The following SIDT2 variants were observed in gnomAD, a reference collection of about 807,000 sequenced individuals.
SIDT2 encodes the protein SID1 transmembrane family, member 2.
SIDT2 carries 68 observed loss-of-function variants against 114.4 expected under a neutral mutation model. The ratio of observed to expected loss-of-function variants is 0.59; its 90% CI spans 0.49 to 0.73. The LOEUF (loss-of-function observed/expected upper bound fraction) is 0.73, where lower values mean the gene tolerates loss of function less well. Among genes scored for constraint, SIDT2 ranks in the 30% least tolerant of loss-of-function variants. SIDT2 has a pLI of 0.00. For missense variants in SIDT2, 918 were observed against 1,097.1 expected (o/e 0.84, Z 2.31); for synonymous variants, 470 against 438.4 (o/e 1.07, Z -0.90).
chr11:117,193,787 G>C, intron 23 of SIDT2, 66 bp from the exon 24 acceptor site: 2 of 1,184,182 alleles, frequency 1.7e-6, no homozygotes, highest in South Asian at 2.5e-5. Context: ...GGGAAAGGCT[G>C]GGTGGGACAG....
chr11:117,195,728 A>G, intron 24 of SIDT2, 74 bp from the exon 25 acceptor site: 1 of 1,513,668 alleles, frequency 6.6e-7, no homozygotes, highest in Non-Finnish European at 9.1e-7. Flanking sequence ...GCCCAGGAGC[A>G]AGATGGCAGA....
rs199938738 is a variant in SIDT2 at position 117,189,447 on chromosome 11, G to A, written c.1419+46G>A. 142 of 1,589,614 alleles carry A rather than the reference G, an allele frequency of 8.9e-5. No individual in the cohort carries two copies. In the East Asian group the frequency reaches 2.3e-3, roughly 25 times the overall value. On this transcript the variant is annotated intron_variant, in intron 15 of 25. Coordinates refer to ENST00000324225, the MANE Select transcript of SIDT2 (RefSeq NM_001040455.2). ...CACCTTTCCGACAGCCTAGGACACC[G>A]CCCCAAAGTGCAGAGCCTCCCAGCC...
chr11:117,190,002 C>A lies in SIDT2; in HGVS notation c.1470C>A (p.Cys490Ter), dbSNP rs767345621. ...ACATCTGCTACTACAACTTCCTCTG[C>A]GCCCACCCACTGGGCAATCTCAGGT... is the stretch of plus-strand genomic sequence containing the variant. ...NQDICYYNFL[C>*]AHPLGNLSAF... The change falls in exon 16 of 26, where the codon TGC becomes TGA. Residue 490 changes from cysteine (C) to a stop codon, truncating the protein, a stop_gained. Coordinates refer to ENST00000324225, the MANE Select transcript of SIDT2 (RefSeq NM_001040455.2). LOFTEE classifies it high-confidence loss of function. The surrounding 1 kb of genome is among the most constrained non-coding windows in gnomAD (Gnocchi z 4.1). The A allele has an allele frequency of 6.2e-7, 1 of 1,614,176 alleles. No individual in the cohort carries two copies. The highest frequency in any genetic ancestry group is 8.5e-7 in the Non-Finnish European group (1 of 1,180,018).
In SIDT2 at chr11:117,184,121, G is replaced by A. The variant is rs767955020; in HGVS notation, c.850G>A (p.Val284Met). Reference protein sequence around the residue: ...GHRQKTLSVLVSQAVTSEAYV... With the variant: ...GHRQKTLSVLMSQAVTSEAYV... ...CCGCCAGAAAACCCTGTCAGTGCTG[G>A]TGTCTCAAGCAGTCACGTGTGAGTG... is the stretch of plus-strand genomic sequence containing the variant. Residue 284 changes from valine (V) to methionine (M), a missense_variant, in exon 8 of 26, where the codon GTG (valine) becomes ATG (methionine). Transcript: ENST00000324225. 18 of 1,614,070 alleles carry A rather than the reference G, an allele frequency of 1.1e-5. No homozygotes were observed. In the Admixed American group the frequency reaches 3.0e-4, roughly 27 times the overall value.
intron 24 of SIDT2, 21 bp downstream of exon 24, chr11:117,193,984 T>C: frequency 6.3e-7 from 1 of 1,588,724 alleles, no homozygotes; most frequent in Non-Finnish European, 8.6e-7. Context: ...ACCCTCAGGC[T>C]CCTTGTGAGC....
At chr11:117,182,489 G>A in intron 4 of SIDT2, 30 bp from the exon 5 acceptor site, 1 of 1,586,890 alleles carries the variant, frequency 6.3e-7, no homozygotes, top group Non-Finnish European at 8.7e-7. Context: ...CTCATGAGAT[G>A]GGGCTCTCCC....
rs2030647443 is a variant in SIDT2 at position 117,190,177 on chromosome 11, A to T, written c.1505A>T (p.Asn502Ile). 1 of 1,579,014 alleles carries T rather than the reference A, an allele frequency of 6.3e-7. No individual in the cohort carries two copies. The highest frequency in any genetic ancestry group is 8.6e-7 in the Non-Finnish European group (1 of 1,162,068). Reference protein sequence around the residue: ...HPLGNLSAFNNILSNLGYILL... With the variant: ...HPLGNLSAFNIILSNLGYILL... ...GTTGCCCCTTCTAGCGCCTTCAACA[A>T]CATCCTCAGCAACCTGGGGTACATC... is the stretch of plus-strand genomic sequence containing the variant. The change falls in exon 17 of 26, where the codon AAC becomes ATC. Residue 502 changes from asparagine to isoleucine, a missense_variant. By Grantham distance (149) the Asn-to-Ile change is moderately radical. Coordinates refer to ENST00000324225, the MANE Select transcript of SIDT2 (RefSeq NM_001040455.2). This position sits in a 1 kb window ranked among gnomAD's most constrained non-coding sequence, Gnocchi z 4.1.
Position 117,191,860 on chromosome 11 carries a change from C to T in SIDT2, c.1736-18C>T. 1 of 1,612,474 alleles carries T rather than the reference C, an allele frequency of 6.2e-7. No homozygotes were observed. Among genetic ancestry groups the T allele is most frequent in the Non-Finnish European group, 8.5e-7 (1 of 1,178,834 alleles). On this transcript the variant is annotated intron_variant, in intron 18 of 25. Coordinates refer to ENST00000324225, the MANE Select transcript of SIDT2 (RefSeq NM_001040455.2). ...TGGTGGCCATTTCTGCAGCTCCCTT[C>T]CGTGTCCCTCATCCTAGACACATCG...
At chr11:117,181,705 A>G in intron 2 of SIDT2, 102 bp from the exon 3 acceptor site, 1 of 1,579,868 alleles carries the variant, frequency 6.3e-7, no homozygotes, top group Non-Finnish European at 8.6e-7. Flanking sequence ...CCTCGCAGGG[A>G]GGTGGTGGAG....
chr11:117,188,681 C>A lies in SIDT2; in HGVS notation c.1160-27C>A. 6.3e-7 allele frequency: 1 copy of A among 1,577,178 alleles called. No homozygotes were observed. Among genetic ancestry groups the A allele is most frequent in the Non-Finnish European group, 8.7e-7 (1 of 1,146,436 alleles). Reference sequence around the variant, plus strand: ...ACTGTGGGTTTTGTGTCCACCGGTGCAACCCCTCCCTCCCTGCCCTTTCCA... The same window carrying A: ...ACTGTGGGTTTTGTGTCCACCGGTGAAACCCCTCCCTCCCTGCCCTTTCCA... On this transcript the variant is annotated intron_variant, in intron 12 of 25. Coordinates refer to ENST00000324225, the MANE Select transcript of SIDT2 (RefSeq NM_001040455.2). This position sits in a 1 kb window ranked among gnomAD's most constrained non-coding sequence, Gnocchi z 4.0.
chr11:117,182,217 G>A lies in SIDT2; in HGVS notation c.516+112G>A. 4.8e-6 allele frequency: 6 copies of A among 1,247,850 alleles called. No homozygotes were observed. The South Asian group carries it at 8.3e-5, about 17-fold the overall frequency. The allele number at this position is 1,247,850 out of a possible 1,614,324, so 77.3% of individuals were successfully genotyped here. On this transcript the variant is annotated intron_variant, in intron 4 of 25. Transcript: ENST00000324225. ...TTTTGAATTGGCTGTTTTCTCCATG[G>A]AGGGCTCTCTGGAAACAGGAGCTCT...
At position 117,179,024 on chromosome 11, in the gene SIDT2, G is replaced by T. The variant is rs1228871046; in HGVS notation, c.-240G>T. On this transcript the variant is annotated 5_prime_UTR_variant, in exon 1 of 26. Transcript: ENST00000324225. The stretch of plus-strand genomic sequence containing the variant: ...CCCTCGCGAGCTGGGACCCCTTCCC[G>T]TAGCCAGCATCCCCTCCCTCCCCGC... 3 of 545,218 alleles carry T rather than the reference G, an allele frequency of 5.5e-6. No homozygotes were observed. The East Asian group carries it at 9.5e-5, about 17-fold the overall frequency. 33.8% of individuals were successfully genotyped at this position (545,218 alleles called of 1,614,324 possible).
intron 6 of SIDT2, among the ~76,000 whole-genome samples, chr11:117,183,395 C>T (rs1490815594): frequency 1.3e-5 from 2 of 148,736 alleles, no homozygotes; most frequent in African/African-American, 2.5e-5. Context: ...TCCCACACTT[C>T]GGGAGGCTGA....
At position 117,186,185 on chromosome 11, in the gene SIDT2, C is replaced by A. The variant is rs142790420; in HGVS notation, c.924C>A (p.Tyr308Ter). The A allele has an allele frequency of 1.2e-6, 2 of 1,614,102 alleles. No individual in the cohort carries two copies. Among genetic ancestry groups the A allele is most frequent in the Non-Finnish European group, 8.5e-7 (1 of 1,180,018 alleles). The change falls in exon 9 of 26, where the codon TAC becomes TAA. Residue 308 changes from tyrosine to a stop codon, truncating the protein, a stop_gained. Transcript: ENST00000324225. LOFTEE classifies it high-confidence loss of function. ...LFCLGIFLSFYLLTVLLACWE... is the reference protein window; with the variant it reads ...LFCLGIFLSF ...GCCTGGGTATATTTCTCTCCTTTTA[C>A]CTGCTGACCGTCCTCCTGGCCTGCT... is the stretch of plus-strand genomic sequence containing the variant.
chr11:117,182,423 T>G, intron 4 of SIDT2, 96 bp from the exon 5 acceptor site: 2 of 1,114,710 alleles, frequency 1.8e-6, no homozygotes, highest in Non-Finnish European at 2.7e-6. Flanking sequence ...CCTCAGAGGA[T>G]TCTGGGTCCT....
chr11:117,183,679 C>A (rs2134249948), intron 6 of SIDT2, 100 bp from the exon 7 acceptor site: 1 of 867,256 alleles, frequency 1.2e-6, no homozygotes, highest in Non-Finnish European at 1.8e-6. Flanking sequence ...TAAAATATAT[C>A]TATGAAGAAT....
At chr11:117,194,174 G>T (rs1299230568) in intron 24 of SIDT2, 2 of 471,492 alleles carry the variant, frequency 4.2e-6, no homozygotes, top group Admixed American at 3.5e-5. Flanking sequence ...AATTAGCCTG[G>T]CGTGGTGGTA....
Position 117,195,812 on chromosome 11 carries a change from C to G in SIDT2, c.2333C>G (p.Ala778Gly). Residue 778 changes from alanine to glycine, a missense_variant, in exon 25 of 26, where the codon GCA becomes GGA. Around this residue, in one of 4 missense-constraint regions of SIDT2, gnomAD observed 275 missense variants for 397.6 expected, o/e 0.69. Transcript: ENST00000324225. ...QGLSTWQKTP[A>G]ESREHNRDCI... ...TTGTTGCTCCCCAAGAAAACCCCTG[C>G]AGAGTCGAGGGAGCACAACCGGGAC... 1 of 1,614,198 alleles carries G rather than the reference C, an allele frequency of 6.2e-7. No individual in the cohort carries two copies. Among genetic ancestry groups the G allele is most frequent in the Non-Finnish European group, 8.5e-7 (1 of 1,180,024 alleles).
intron 4 of SIDT2, 64 bp downstream of exon 4, chr11:117,182,169 T>C: frequency 1.3e-6 from 2 of 1,579,438 alleles, no homozygotes; most frequent in Non-Finnish European, 1.7e-6. Flanking sequence ...AGAATGGGAG[T>C]GGCCAGCGGT....
Sources: gnomAD v4.1 joint callset for allele counts (sites outside exome capture counted in the v4.1 genomes callset) on GRCh38, gnomAD v4.1.1 for gene constraint, gnomAD v4.1.1 regional missense constraint, Gnocchi (gnomAD v3.1) non-coding constraint, MANE v1.5 for transcripts, NCBI Gene and HGNC (gene_info 2026-07-23, HGNC 2026-07-21) for gene names.